The following PLCE1 variants were observed in gnomAD, a reference collection of about 807,000 sequenced individuals.
PLCE1 encodes the protein phospholipase C epsilon 1.
Under a neutral mutation model 242.8 loss-of-function variants are expected in PLCE1, and 119 were observed. The observed-to-expected ratio is 0.49, with a 90% CI of 0.42 to 0.57. The LOEUF is 0.57. Among genes scored for constraint, PLCE1 ranks in the 20% least tolerant of loss-of-function variants. The pLI, the probability that PLCE1 is intolerant of heterozygous loss-of-function variation, is 0.00. For synonymous variants in PLCE1, 945 were observed against 1,017.4 expected, an observed-to-expected ratio of 0.93 and a Z score of 1.35; for missense variants, 2,441 against 2,788.8, an observed-to-expected ratio of 0.88 and a Z score of 2.81.
intron 22 of PLCE1, among the ~76,000 whole-genome samples, chr10:94,290,690 TA>T (rs969405461): frequency 5.3e-5 from 8 of 150,964 alleles, no homozygotes; most frequent in East Asian, 3.9e-4. Flanking sequence ...ATATGTAACT[TA>T]AAAAAAAGTA....
In PLCE1 at chr10:94,324,942, G is replaced by A. The variant is rs200113831; in HGVS notation, c.6771G>A (p.Lys2257=). The part of the protein sequence containing the change: ...KKGISFASEL[K]KLTKSTKQPR... Reference sequence around the variant, plus strand: ...GCATTTCTTTCGCAAGTGAACTCAAGAAGCTCACCAAGTCAACTAAACAGC... The same window carrying A: ...GCATTTCTTTCGCAAGTGAACTCAAAAAGCTCACCAAGTCAACTAAACAGC... The change falls in exon 32 of 33, where the codon AAG becomes AAA. Residue 2257 remains lysine (K), a synonymous_variant. Coordinates refer to ENST00000371380, the MANE Select transcript of PLCE1 (RefSeq NM_016341.4). 2.2e-4 allele frequency: 354 copies of A among 1,614,052 alleles called. No individual in the cohort carries two copies. The highest frequency in any genetic ancestry group is 3.0e-4 in the Non-Finnish European group (349 of 1,180,018).
intron 3 of PLCE1, among the ~76,000 whole-genome samples, chr10:94,167,377 T>C (rs893552158): frequency 4.6e-5 from 7 of 152,204 alleles, no homozygotes; most frequent in Admixed American, 3.3e-4. Flanking sequence ...CTCATATGCA[T>C]CATTACTCAT....
At chr10:94,165,776 C>G (rs1404992277) in intron 3 of PLCE1, among the ~76,000 whole-genome samples, 1 of 151,816 alleles carries the variant, frequency 6.6e-6, no homozygotes, top group Non-Finnish European at 1.5e-5. Flanking sequence ...GGTGCCATCT[C>G]AGCTCATTGC....
intron 24 of PLCE1, among the ~76,000 whole-genome samples, chr10:94,299,317 A>G (rs1564875223): frequency 1.3e-5 from 2 of 152,108 alleles, no homozygotes; most frequent in Admixed American, 6.5e-5. Context: ...ACCCCCTATT[A>G]TCTTATTTAA....
rs772704845 is a variant in PLCE1, at chr10:94,330,588, G to A, written c.*2645G>A. On this transcript the variant is annotated 3_prime_UTR_variant, in exon 33 of 33. Coordinates refer to ENST00000371380, the MANE Select transcript of PLCE1 (RefSeq NM_016341.4). The stretch of plus-strand genomic sequence containing the variant: ...CCTGTAAATCCCAGCTATTGGGGAG[G>A]CTGAGGCAGGAGAGAATTGCCTGAA... 6.6e-6 allele frequency: 1 copy of A among 151,834 alleles called. No homozygotes were observed. Among genetic ancestry groups the A allele is most frequent in the Non-Finnish European group, 1.5e-5 (1 of 68,002 alleles). 9.4% of individuals were successfully genotyped at this position (151,834 alleles called of 1,614,324 possible). A position where few individuals can be genotyped will look rare whatever the true frequency, so the allele number is the denominator to read the frequency against.
intron 18 of PLCE1, among the ~76,000 whole-genome samples, chr10:94,273,183 AC>A (rs1202836327): frequency 3.3e-5 from 5 of 152,036 alleles, no homozygotes; most frequent in African/African-American, 1.2e-4. Flanking sequence ...CCTGCTCCCT[AC>A]CCCCTCCAAA....
chr10:94,202,922 G>T (rs529144770), intron 4 of PLCE1, among the ~76,000 whole-genome samples: 1 of 152,214 alleles, frequency 6.6e-6, no homozygotes, highest in South Asian at 2.1e-4. Context: ...ATTCTTTCCT[G>T]GTTGGTTATT....
chr10:94,134,824 A>C (rs2046715957), intron 3 of PLCE1, among the ~76,000 whole-genome samples: 1 of 152,192 alleles, frequency 6.6e-6, no homozygotes, highest in Non-Finnish European at 1.5e-5. Flanking sequence ...CACTCACCAG[A>C]CTGTCAGCTA....
At chr10:94,068,380 C>G (rs561838112) in intron 2 of PLCE1, among the ~76,000 whole-genome samples, 3 of 146,958 alleles carry the variant, frequency 2.0e-5, no homozygotes, top group African/African-American at 8.0e-5. Flanking sequence ...AGAAAATATT[C>G]GGGGGAAAAA....
intron 4 of PLCE1, among the ~76,000 whole-genome samples, chr10:94,188,728 C>T (rs2048562590): frequency 6.6e-6 from 1 of 152,228 alleles, no homozygotes; most frequent in East Asian, 1.9e-4. Context: ...GCCCCAGCCT[C>T]CCAAGTAGCT....
chr10:94,017,731 G>A (rs10882381), intron 1 of PLCE1, among the ~76,000 whole-genome samples: 44,986 of 151,976 alleles, frequency 0.3, 7,882 homozygotes, highest in East Asian at 0.49. Flanking sequence ...CATCTGCTAC[G>A]GCTTTGTGGG....
chr10:94,152,363 G>A (rs997970559), intron 3 of PLCE1, among the ~76,000 whole-genome samples: 1 of 152,186 alleles, frequency 6.6e-6, no homozygotes, highest in African/African-American at 2.4e-5. Context: ...TATACAATGA[G>A]TACTAAATGT....
Position 94,227,343 on chromosome 10 carries a change from G to T in PLCE1, c.1847G>T (p.Gly616Val). 3 of 1,613,984 alleles carry T rather than the reference G, an allele frequency of 1.9e-6. No homozygotes were observed. Among genetic ancestry groups the T allele is most frequent in the Non-Finnish European group, 2.5e-6 (3 of 1,179,844 alleles). ...GTGACATGGCTGATCCTCACGGCAG[G>T]CTCCATGGAGGAGAAGCGAGAAGTC... ...SWVTWLILTA[G>V]SMEEKREVFS... Residue 616 changes from glycine to valine, a missense_variant, in exon 5 of 33, where the codon GGC (glycine) becomes GTC (valine). Gly to Val is a moderately radical substitution (Grantham distance 109). Transcript: ENST00000371380.
intron 7 of PLCE1, among the ~76,000 whole-genome samples, chr10:94,245,472 GA>G (rs2050644368): frequency 6.6e-6 from 1 of 151,774 alleles, no homozygotes; most frequent in Admixed American, 6.6e-5. Context: ...CAGTTATAAA[GA>G]ATATTAGAAT....
At chr10:94,089,389 G>T in intron 2 of PLCE1, 2 of 1,562,356 alleles carry the variant, frequency 1.3e-6, no homozygotes, top group South Asian at 2.4e-5. Context: ...AAGGGTTCTT[G>T]TTGTCTAAGA....
chr10:94,282,448 T>G (rs1212832931), intron 20 of PLCE1, among the ~76,000 whole-genome samples: 1 of 152,152 alleles, frequency 6.6e-6, no homozygotes, highest in East Asian at 1.9e-4. Flanking sequence ...CGCAGACATA[T>G]TCTATGACAA....
At chr10:94,250,950 C>G (rs958595454) in intron 8 of PLCE1, among the ~76,000 whole-genome samples, 2 of 152,178 alleles carry the variant, frequency 1.3e-5, no homozygotes, top group Non-Finnish European at 2.9e-5. Flanking sequence ...TTCTCTTCAG[C>G]AGGCCTCCAG....
chr10:94,154,801 G>A (rs1452287379), intron 3 of PLCE1, among the ~76,000 whole-genome samples: 1 of 151,570 alleles, frequency 6.6e-6, no homozygotes, highest in Non-Finnish European at 1.5e-5. Context: ...CACTTTAGGA[G>A]GCCAAGGTGG....
intron 3 of PLCE1, among the ~76,000 whole-genome samples, chr10:94,142,782 G>A (rs894044996): frequency 6.6e-6 from 1 of 152,200 alleles, no homozygotes; most frequent in Non-Finnish European, 1.5e-5. Context: ...TGGGCCTAGA[G>A]CACTAGCAAC....
Sources: gnomAD v4.1 joint callset for allele counts (sites outside exome capture counted in the v4.1 genomes callset) on GRCh38, gnomAD v4.1.1 for gene constraint, MANE v1.5 for transcripts, NCBI Gene and HGNC (gene_info 2026-07-23, HGNC 2026-07-21) for gene names.